Variants in ADTRP observed in about 807,000 individuals in gnomAD.
The protein encoded by ADTRP is androgen-dependent TFPI-regulating protein.
A neutral mutation model predicts 27.0 loss-of-function variants in ADTRP; 20 were observed. That is an observed-to-expected ratio of 0.74 (90% confidence interval 0.52 to 1.08). The LOEUF (loss-of-function observed/expected upper bound fraction) is 1.08. Ranked by LOEUF, ADTRP falls within the 50% of genes least tolerant of loss-of-function variation. ADTRP has a pLI of 0.00. For missense variants in ADTRP, 251 were observed against 275.0 expected (o/e 0.91, Z 0.62); for synonymous variants, 101 against 105.2 (o/e 0.96, Z 0.25).
intron 5 of ADTRP, among the ~76,000 whole-genome samples, chr6:11,718,460 T>G (rs1761905325): frequency 6.6e-6 from 1 of 152,100 alleles, no homozygotes; most frequent in Admixed American, 6.5e-5. Context: ...AAAAAGAAAA[T>G]TAAGCACATA....
At chr6:11,720,356 T>A (rs1447938270) in intron 5 of ADTRP, among the ~76,000 whole-genome samples, 3 of 152,106 alleles carry the variant, frequency 2.0e-5, no homozygotes, top group Non-Finnish European at 2.9e-5. Context: ...TAGACAGGGA[T>A]CATCTCAGGC....
chr6:11,740,955 T>C (rs1762696418), intron 3 of ADTRP, among the ~76,000 whole-genome samples: 1 of 152,246 alleles, frequency 6.6e-6, no homozygotes, highest in African/African-American at 2.4e-5. Context: ...GTAGGAGTCT[T>C]TTCAGTCTCA....
intron 1 of ADTRP, among the ~76,000 whole-genome samples, chr6:11,775,359 T>C (rs144226722): frequency 6.6e-6 from 1 of 152,134 alleles, no homozygotes; most frequent in African/African-American, 2.4e-5. Flanking sequence ...TTCTCCCCCA[T>C]GGCTACCCTA....
chr6:11,770,957 C>A (rs1170842600), intron 1 of ADTRP, among the ~76,000 whole-genome samples: 1 of 152,194 alleles, frequency 6.6e-6, no homozygotes, highest in Non-Finnish European at 1.5e-5. Context: ...CTGGGCCAGG[C>A]CTTCCCTCTC....
chr6:11,756,524 A>G (rs1445078410), intron 3 of ADTRP, among the ~76,000 whole-genome samples: 2 of 152,178 alleles, frequency 1.3e-5, no homozygotes, highest in Non-Finnish European at 2.9e-5. Context: ...AAGAGTACAC[A>G]AGACCTCTAT....
chr6:11,759,226 G>T (rs1169245128), intron 3 of ADTRP, among the ~76,000 whole-genome samples: 1 of 152,206 alleles, frequency 6.6e-6, no homozygotes, highest in Non-Finnish European at 1.5e-5. Context: ...GGCAGAGAGG[G>T]GAAGTGGAAG....
At chr6:11,738,779 C>T (rs1762622551) in intron 3 of ADTRP, among the ~76,000 whole-genome samples, 4 of 152,228 alleles carry the variant, frequency 2.6e-5, no homozygotes. Context: ...TGAATTCTCC[C>T]TGATGGCTTC....
chr6:11,747,328 A>G (rs576679817), intron 3 of ADTRP, among the ~76,000 whole-genome samples: 1 of 152,356 alleles, frequency 6.6e-6, no homozygotes, highest in South Asian at 2.1e-4. Flanking sequence ...GCTCTCCAGA[A>G]TACCCCTCTG....
intron 3 of ADTRP, among the ~76,000 whole-genome samples, chr6:11,765,343 T>TTTTTG: frequency 6.7e-6 from 1 of 148,308 alleles, no homozygotes. Flanking sequence ...TTTTTTTTTT[T>TTTTTG]TGAGGCAGAG....
chr6:11,750,271 A>C (rs1181983867), intron 3 of ADTRP, among the ~76,000 whole-genome samples: 2 of 152,244 alleles, frequency 1.3e-5, no homozygotes, highest in African/African-American at 4.8e-5. Context: ...GTTTCTGGTT[A>C]AATCCCTGAA....
intron 3 of ADTRP, among the ~76,000 whole-genome samples, chr6:11,745,451 C>G (rs1345631807): frequency 2.0e-5 from 3 of 152,316 alleles, no homozygotes; most frequent in South Asian, 4.1e-4. Flanking sequence ...CAGTGTCAAT[C>G]TAGGACTAGG....
Position 11,769,665 on chromosome 6 carries a change from C to G in ADTRP, c.154-1282G>C, listed in dbSNP as rs557574553. ...TGGGTACTAAGCTGATTACCCGGGTCACAAAATAATCTATACTTATATAAC... is the reference window on the plus strand; with the variant it reads ...TGGGTACTAAGCTGATTACCCGGGTGACAAAATAATCTATACTTATATAAC... On this transcript the variant is annotated intron_variant, in intron 1 of 5. Transcript: ENST00000414691. Among the ~76,000 whole-genome samples, 11 of 151,344 alleles carry G rather than the reference C, an allele frequency of 7.3e-5. No homozygotes were observed. In the South Asian group the frequency reaches 2.3e-3, roughly 32 times the overall value.
chr6:11,723,534 A>G, intron 4 of ADTRP, 34 bp from the exon 5 acceptor site: 1 of 1,608,892 alleles, frequency 6.2e-7, no homozygotes, highest in Non-Finnish European at 8.5e-7. Flanking sequence ...TGGTTATAGC[A>G]GGAGGAGAAA....
chr6:11,760,265 C>G (rs1763355318), intron 3 of ADTRP, among the ~76,000 whole-genome samples: 1 of 152,210 alleles, frequency 6.6e-6, no homozygotes, highest in Non-Finnish European at 1.5e-5. Flanking sequence ...CACACACTCT[C>G]AAAACTGCCC....
At chr6:11,771,897 A>G (rs973021910) in intron 1 of ADTRP, among the ~76,000 whole-genome samples, 5 of 152,240 alleles carry the variant, frequency 3.3e-5, no homozygotes, top group Non-Finnish European at 4.4e-5. Context: ...CTCAGGAGAA[A>G]CCGACCTTGC....
chr6:11,742,719 A>G (rs1320548576), intron 3 of ADTRP, among the ~76,000 whole-genome samples: 1 of 152,202 alleles, frequency 6.6e-6, no homozygotes, highest in Non-Finnish European at 1.5e-5. Flanking sequence ...TAAACTGATA[A>G]TATCTGAAGG....
chr6:11,735,534 A>G, intron 4 of ADTRP, 34 bp downstream of exon 4: 1 of 1,534,154 alleles, frequency 6.5e-7, no homozygotes, highest in Non-Finnish European at 9.0e-7. Flanking sequence ...CTTGAACGAC[A>G]AGCCTAAGTT....
chr6:11,772,888 AC>A (rs1462877660), intron 1 of ADTRP, among the ~76,000 whole-genome samples: 1 of 152,244 alleles, frequency 6.6e-6, no homozygotes, highest in Non-Finnish European at 1.5e-5. Flanking sequence ...AATGTGCAGA[AC>A]CACAGTTTGG....
intron 3 of ADTRP, among the ~76,000 whole-genome samples, chr6:11,759,679 C>T (rs1450289283): frequency 6.6e-6 from 1 of 152,156 alleles, no homozygotes. Context: ...CCAAAGATGT[C>T]TATGTCCTAA....
Sources: allele counts gnomAD v4.1 joint callset (sites outside exome capture counted in the v4.1 genomes callset), GRCh38; gene constraint gnomAD v4.1.1; transcripts MANE v1.5; gene names NCBI Gene and HGNC (gene_info 2026-07-23, HGNC 2026-07-21).